Variants in GPATCH1 observed in about 807,000 individuals in gnomAD.
The protein encoded by GPATCH1 is G-patch domain containing 1.
Under a neutral mutation model 114.9 loss-of-function variants are expected in GPATCH1, and 73 were observed. The ratio of observed to expected loss-of-function variants is 0.64; its 90% CI spans 0.53 to 0.77. GPATCH1 has a LOEUF of 0.77. Among genes scored for constraint, GPATCH1 ranks in the 30% least tolerant of loss-of-function variants. GPATCH1 has a pLI of 0.00. For missense variants in GPATCH1, 1,058 were observed against 1,144.3 expected, an observed-to-expected ratio of 0.92 and a Z score of 1.09; for synonymous variants, 391 against 428.4, an observed-to-expected ratio of 0.91 and a Z score of 1.08.
At chr19:33,121,814 A>G (rs868423039) in intron 17 of GPATCH1, among the ~76,000 whole-genome samples, 1 of 152,172 alleles carries the variant, frequency 6.6e-6, no homozygotes, top group African/African-American at 2.4e-5. Context: ...GTTTACAAAC[A>G]TCTATAACAT....
At chr19:33,125,083 G>A (rs1973025123) in intron 17 of GPATCH1, 22 bp from the exon 18 acceptor site, 1 of 1,581,338 alleles carries the variant, frequency 6.3e-7, no homozygotes, top group Non-Finnish European at 8.6e-7. Flanking sequence ...TAGGTCCTGT[G>A]TTTATTACCT....
rs1004448091 is a variant in GPATCH1, at chr19:33,120,363, T to G, written c.2521+1246T>G. ...TATAAAATTATATATTTTTATACAT[T>G]AAAATTTTATAAAAATATAAAATAT... is the stretch of plus-strand genomic sequence containing the variant. On this transcript the variant is annotated intron_variant, in intron 17 of 19. Coordinates refer to ENST00000170564, the MANE Select transcript of GPATCH1 (RefSeq NM_018025.3). Among the ~76,000 whole-genome samples, 5 of 141,816 alleles carry G rather than the reference T, an allele frequency of 3.5e-5. No individual in the cohort carries two copies. In the East Asian group the frequency reaches 9.9e-4, roughly 28 times the overall value. The allele number at this position is 141,816 out of a possible 152,430, so 93.0% of individuals were successfully genotyped here. A position where few individuals can be genotyped will look rare whatever the true frequency, so the allele number is the denominator to read the frequency against.
At chr19:33,114,463 C>G in intron 15 of GPATCH1, 44 bp downstream of exon 15, 1 of 1,434,624 alleles carries the variant, frequency 7.0e-7, no homozygotes, top group South Asian at 1.3e-5. Context: ...TGAGTGTGGC[C>G]CTTGCTTTTC....
chr19:33,106,838 C>G lies in GPATCH1; in HGVS notation c.1224C>G (p.His408Gln). The change falls in exon 10 of 20, where the codon CAC (histidine) becomes CAG (glutamine). Residue 408 changes from histidine to glutamine, a missense_variant. Around this residue, in one of 3 missense-constraint regions of GPATCH1, gnomAD observed 893 missense variants for 977.4 expected, o/e 0.91. Coordinates refer to ENST00000170564, the MANE Select transcript of GPATCH1 (RefSeq NM_018025.3). ...AGGCAACGCCTGACCCAGGGACACA[C>G]AGTAAGCACCAACTGAATGCCTCCA... ...AGKATPDPGT[H>Q]SKHQLNASKR... 1.2e-6 allele frequency: 2 copies of G among 1,614,012 alleles called. No homozygotes were observed. The highest frequency in any genetic ancestry group is 1.1e-5 in the South Asian group (1 of 91,070).
At position 33,127,915 on chromosome 19, in the gene GPATCH1, G is replaced by A. The variant is rs531250908; in HGVS notation, c.2765+1182G>A. On this transcript the variant is annotated intron_variant, in intron 19 of 19. Coordinates refer to ENST00000170564, the MANE Select transcript of GPATCH1 (RefSeq NM_018025.3). ...ATTTTTTTAGTAGAGACAGTGTTTC[G>A]TCATGTTGGCCAGGCTGGTCTCAAA... Among the ~76,000 whole-genome samples the A allele has an allele frequency of 8.6e-5, 13 of 151,534 alleles. No individual in the cohort carries two copies. The South Asian group carries it at 1.9e-3, about 22-fold the overall frequency.
At chr19:33,105,172 C>T (rs1385181319) in intron 9 of GPATCH1, among the ~76,000 whole-genome samples, 1 of 152,070 alleles carries the variant, frequency 6.6e-6, no homozygotes, top group African/African-American at 2.4e-5. Flanking sequence ...TGGCTTACGC[C>T]TGTAATTCCA....
At position 33,092,086 on chromosome 19, in the gene GPATCH1, G is replaced by C. The variant is rs568268989; in HGVS notation, c.294+1221G>C. ...TCCTGAGACGGAGTTTTGCTCTGTT[G>C]CCCAGGCTGGAGTGCAGTGGCGCTA... On this transcript the variant is annotated intron_variant, in intron 3 of 19. Transcript: ENST00000170564. Among the ~76,000 whole-genome samples, 372 of 149,798 alleles carry C rather than the reference G, an allele frequency of 2.5e-3. 1 individual carries two copies. Among genetic ancestry groups the C allele is most frequent in the African/African-American group, 8.9e-3 (363 of 40,684 alleles).
chr19:33,096,336 T>A lies in GPATCH1; in HGVS notation c.742T>A (p.Phe248Ile), dbSNP rs370886953. 2 of 1,614,018 alleles carry A rather than the reference T, an allele frequency of 1.2e-6. No individual in the cohort carries two copies. The highest frequency in any genetic ancestry group is 2.7e-5 in the African/African-American group (2 of 74,910). The change falls in exon 7 of 20, where the codon TTT (phenylalanine) becomes ATT (isoleucine). Residue 248 changes from phenylalanine (F) to isoleucine (I), a missense_variant. This residue lies in a region of GPATCH1 where 893 missense variants were observed against 977.4 expected (regional missense o/e 0.91). Coordinates refer to ENST00000170564, the MANE Select transcript of GPATCH1 (RefSeq NM_018025.3). Reference protein sequence around the residue: ...YKGLDPHQALFGTSGEHFNLF... With the variant: ...YKGLDPHQALIGTSGEHFNLF... Reference sequence around the variant, plus strand: ...GGGCCTGGATCCCCACCAGGCACTGTTTGGAACTTCGGGAGAACATTTTAA... The same window carrying A: ...GGGCCTGGATCCCCACCAGGCACTGATTGGAACTTCGGGAGAACATTTTAA...
At chr19:33,118,968 C>T in intron 16 of GPATCH1, 42 bp from the exon 17 acceptor site, 1 of 1,202,388 alleles carries the variant, frequency 8.3e-7, no homozygotes, top group African/African-American at 1.5e-5. Context: ...GAGACATTAA[C>T]ATGGGGCAGA....
At chr19:33,100,621 G>C (rs555400424) in intron 8 of GPATCH1, among the ~76,000 whole-genome samples, 10 of 149,390 alleles carry the variant, frequency 6.7e-5, no homozygotes, top group African/African-American at 2.5e-4. Flanking sequence ...CCCAACAGGA[G>C]TCAAAGCACA....
Position 33,117,927 on chromosome 19 carries a change from T to C in GPATCH1, c.2299T>C (p.Ser767Pro), listed in dbSNP as rs765802547. The C allele has an allele frequency of 6.2e-7, 1 of 1,613,912 alleles. No individual in the cohort carries two copies. The highest frequency in any genetic ancestry group is 8.5e-7 in the Non-Finnish European group (1 of 1,179,892). ...IFASSSDEKS[S>P]SSEDEQGDSE... ...TGCCAGTTCCTCAGATGAAAAGTCC[T>C]CATCCTCCGAGGATGAGCAAGGTGA... The change falls in exon 16 of 20, where the codon TCA becomes CCA. Residue 767 changes from serine to proline, a missense_variant. Coordinates refer to ENST00000170564, the MANE Select transcript of GPATCH1 (RefSeq NM_018025.3).
intron 17 of GPATCH1, 152 bp from the exon 18 acceptor site, chr19:33,124,953 A>C: frequency 1.4e-6 from 1 of 724,728 alleles, no homozygotes; most frequent in Non-Finnish European, 2.2e-6. Flanking sequence ...TTTCTCAGTG[A>C]GGCAGAAGCT....
At chr19:33,104,572 G>A (rs938531806) in intron 9 of GPATCH1, among the ~76,000 whole-genome samples, 1 of 152,130 alleles carries the variant, frequency 6.6e-6, no homozygotes, top group African/African-American at 2.4e-5. Context: ...CCAGGGGCTT[G>A]ACCCAGGCTG....
chr19:33,128,709 G>A (rs969320880), intron 19 of GPATCH1, among the ~76,000 whole-genome samples: 2 of 152,210 alleles, frequency 1.3e-5, no homozygotes, highest in Non-Finnish European at 2.9e-5. Context: ...TGGGAAGAAG[G>A]GTGTTGTGTG....
At chr19:33,095,741 C>T in intron 5 of GPATCH1, 21 bp from the exon 6 acceptor site, 1 of 1,573,552 alleles carries the variant, frequency 6.4e-7, no homozygotes, top group South Asian at 1.1e-5. Flanking sequence ...ATGACTATTG[C>T]ATTTGAAATC....
chr19:33,120,275 T>TATATAAAAAATTATATAAA (rs1050625608), intron 17 of GPATCH1, among the ~76,000 whole-genome samples: 3 of 140,508 alleles, frequency 2.1e-5, no homozygotes, highest in African/African-American at 8.0e-5. Context: ...ATATAACAAT[T>TATATAAAAAATTATATAAA]ATATATAAAA....
chr19:33,096,344 T>C lies in GPATCH1; in HGVS notation c.750T>C (p.Thr250=). The change falls in exon 7 of 20, where the codon ACT becomes ACC. Residue 250 remains threonine, a synonymous_variant. Transcript: ENST00000170564. ...GLDPHQALFG[T]SGEHFNLFSG... ...ATCCCCACCAGGCACTGTTTGGAACTTCGGGAGAACATTTTAATCTTTTCA... is the reference window on the plus strand; with the variant it reads ...ATCCCCACCAGGCACTGTTTGGAACCTCGGGAGAACATTTTAATCTTTTCA... 8.7e-6 allele frequency: 14 copies of C among 1,614,126 alleles called. No homozygotes were observed. The highest frequency in any genetic ancestry group is 1.1e-5 in the Non-Finnish European group (13 of 1,180,006).
intron 8 of GPATCH1, among the ~76,000 whole-genome samples, chr19:33,099,210 TATTC>T (rs1476832115): frequency 6.6e-6 from 1 of 151,038 alleles, no homozygotes; most frequent in Non-Finnish European, 1.5e-5. Flanking sequence ...CTATTTTAAT[TATTC>T]ATTATTTATT....
intron 2 of GPATCH1, among the ~76,000 whole-genome samples, chr19:33,089,537 T>C (rs1398459421): frequency 6.6e-6 from 1 of 152,208 alleles, no homozygotes; most frequent in Non-Finnish European, 1.5e-5. Flanking sequence ...TTTTATTATA[T>C]GTGCTGCCAT....
Sources: allele counts gnomAD v4.1 joint callset (sites outside exome capture counted in the v4.1 genomes callset), GRCh38; gene constraint gnomAD v4.1.1; regional missense constraint gnomAD v4.1.1; transcripts MANE v1.5; gene names NCBI Gene and HGNC (gene_info 2026-07-23, HGNC 2026-07-21).